Variants in GPC5 observed in about 807,000 individuals in gnomAD.
The protein encoded by GPC5 is glypican 5, also known as glypican-5.
In GPC5, 47 loss-of-function variants were observed where a neutral mutation model predicts 53.9. The ratio of observed to expected loss-of-function variants is 0.87; its 90% CI spans 0.69 to 1.11. The LOEUF (loss-of-function observed/expected upper bound fraction) is 1.11. Ranked by LOEUF, GPC5 falls within the 50% of genes most tolerant of loss-of-function variation. The pLI, the probability that GPC5 is intolerant of heterozygous loss-of-function variation, is 0.00. For missense variants in GPC5, 748 were observed against 713.1 expected (o/e 1.05, Z -0.56); for synonymous variants, 286 against 263.3 (o/e 1.09, Z -0.84).
intron 2 of GPC5, among the ~76,000 whole-genome samples, chr13:91,620,502 A>G (rs938272088): frequency 2.0e-5 from 3 of 152,154 alleles, no homozygotes; most frequent in Admixed American, 6.6e-5. Flanking sequence ...TACAATTTCT[A>G]GTTATCACCA....
At chr13:92,784,477 C>T (rs1876143436) in intron 7 of GPC5, among the ~76,000 whole-genome samples, 1 of 145,202 alleles carries the variant, frequency 6.9e-6, no homozygotes, top group Non-Finnish European at 1.5e-5. Context: ...CACAGTCTCC[C>T]TTTTTTTTTT....
At chr13:92,132,296 T>G (rs189840658) in intron 6 of GPC5, among the ~76,000 whole-genome samples, 2 of 152,296 alleles carry the variant, frequency 1.3e-5, no homozygotes, top group Admixed American at 1.3e-4. Context: ...AAATCGTACA[T>G]GTATGATTTA....
At chr13:91,747,145 A>G (rs1457751849) in intron 4 of GPC5, among the ~76,000 whole-genome samples, 2 of 152,244 alleles carry the variant, frequency 1.3e-5, no homozygotes, top group South Asian at 4.1e-4. Flanking sequence ...ACTAAAAGAT[A>G]TATTACTTTT....
chr13:91,469,639 G>C (rs1049765759), intron 2 of GPC5, among the ~76,000 whole-genome samples: 3 of 151,912 alleles, frequency 2.0e-5, no homozygotes, highest in Non-Finnish European at 4.4e-5. Flanking sequence ...AATTTCAAAG[G>C]TTATATATTT....
chr13:91,703,159 C>G (rs937687038), intron 3 of GPC5, among the ~76,000 whole-genome samples: 1 of 151,896 alleles, frequency 6.6e-6, no homozygotes, highest in Admixed American at 6.5e-5. Context: ...ATTTGGATGC[C>G]TTTTATTGAG....
At chr13:91,463,736 G>A (rs142113447) in intron 2 of GPC5, among the ~76,000 whole-genome samples, 531 of 152,108 alleles carry the variant, frequency 3.5e-3, no homozygotes, top group Non-Finnish European at 5.5e-3. Context: ...ATTCATAGGG[G>A]AAACCTAAAC....
chr13:92,127,044 T>A (rs2041703984), intron 6 of GPC5, among the ~76,000 whole-genome samples: 1 of 151,800 alleles, frequency 6.6e-6, no homozygotes, highest in Non-Finnish European at 1.5e-5. Context: ...TTCCTAATGG[T>A]TAGAAAGGAT....
chr13:91,714,553 AAT>A (rs1454812648), intron 3 of GPC5, among the ~76,000 whole-genome samples: 1 of 152,204 alleles, frequency 6.6e-6, no homozygotes, highest in Non-Finnish European at 1.5e-5. Context: ...TATGTTTAGA[AAT>A]AGATACTATA....
intron 4 of GPC5, among the ~76,000 whole-genome samples, chr13:91,750,053 C>T (rs538441201): frequency 4.5e-4 from 68 of 152,252 alleles, no homozygotes; most frequent in African/African-American, 1.5e-3. Context: ...CAATTGATTC[C>T]GTCTGCCTCG....
chr13:92,315,052 C>T (rs1391693378), intron 7 of GPC5, among the ~76,000 whole-genome samples: 1 of 152,188 alleles, frequency 6.6e-6, no homozygotes, highest in Non-Finnish European at 1.5e-5. Flanking sequence ...GCTGGGATTA[C>T]AGGTATGAGC....
intron 7 of GPC5, among the ~76,000 whole-genome samples, chr13:92,147,649 G>T (rs2041877964): frequency 6.6e-6 from 1 of 152,092 alleles, no homozygotes; most frequent in East Asian, 1.9e-4. Flanking sequence ...CATGGTACAA[G>T]CAGCTACCCA....
intron 7 of GPC5, among the ~76,000 whole-genome samples, chr13:92,464,441 TA>T (rs974911576): frequency 7.9e-5 from 12 of 152,142 alleles, no homozygotes; most frequent in African/African-American, 2.2e-4. Context: ...ATAAACTCCA[TA>T]TTTTTTTTGT....
chr13:91,878,903 A>G (rs1231820752), intron 5 of GPC5, among the ~76,000 whole-genome samples: 2 of 152,126 alleles, frequency 1.3e-5, no homozygotes. Context: ...CCAAATCTAC[A>G]TTGTAATTTA....
intron 7 of GPC5, among the ~76,000 whole-genome samples, chr13:92,624,170 A>G (rs1417015104): frequency 1.3e-5 from 2 of 151,660 alleles, no homozygotes; most frequent in African/African-American, 4.9e-5. Flanking sequence ...CGCATGTTCA[A>G]GCGATCCTCC....
At chr13:92,181,795 T>C (rs2042148855) in intron 7 of GPC5, among the ~76,000 whole-genome samples, 1 of 152,040 alleles carries the variant, frequency 6.6e-6, no homozygotes, top group Admixed American at 6.6e-5. Flanking sequence ...GAAAGCAAAA[T>C]GGTGAAAAAG....
At chr13:91,649,382 G>A (rs2034640204) in intron 2 of GPC5, among the ~76,000 whole-genome samples, 1 of 152,082 alleles carries the variant, frequency 6.6e-6, no homozygotes, top group African/African-American at 2.4e-5. Flanking sequence ...TTAAAATGGA[G>A]TAATAACAAT....
intron 4 of GPC5, among the ~76,000 whole-genome samples, chr13:91,737,618 A>G (rs574404553): frequency 6.6e-6 from 1 of 151,702 alleles, no homozygotes; most frequent in South Asian, 2.1e-4. Context: ...TAAATAAGGC[A>G]TAACCTTTTC....
At chr13:91,606,023 G>T (rs967353042) in intron 2 of GPC5, among the ~76,000 whole-genome samples, 8 of 83,688 alleles carry the variant, frequency 9.6e-5, no homozygotes, top group Non-Finnish European at 1.6e-4. Context: ...GGGCATCCCT[G>T]TCTTGTGCCA....
intron 2 of GPC5, among the ~76,000 whole-genome samples, chr13:91,631,050 G>T (rs2034145358): frequency 6.6e-6 from 1 of 152,026 alleles, no homozygotes; most frequent in African/African-American, 2.4e-5. Flanking sequence ...GGAAACAGGG[G>T]ACCTGTTTAT....
Sources: gnomAD v4.1 joint callset for allele counts (sites outside exome capture counted in the v4.1 genomes callset) on GRCh38, gnomAD v4.1.1 for gene constraint, MANE v1.5 for transcripts, NCBI Gene and HGNC (gene_info 2026-07-23, HGNC 2026-07-21) for gene names.